FOXP1: variants seen among roughly 807,000 people sequenced by gnomAD.
FOXP1 encodes forkhead box P1.
In FOXP1, 15 loss-of-function variants were observed where a neutral mutation model predicts 98.2. The ratio of observed to expected loss-of-function variants is 0.15; its 90% CI spans 0.10 to 0.24. The LOEUF (loss-of-function observed/expected upper bound fraction) is 0.24. Among genes scored for constraint, FOXP1 ranks in the 10% least tolerant of loss-of-function variants. The probability of loss-of-function intolerance (pLI) is 1.00; values close to 1 mark genes in which losing one functional copy is unlikely to be tolerated. For synonymous variants in FOXP1, 371 were observed against 314.5 expected (o/e 1.18, Z -1.90); for missense variants, 633 against 848.5 (o/e 0.75, Z 3.15).
At chr3:71,143,396 G>A (rs2060162052) in intron 6 of FOXP1, among the ~76,000 whole-genome samples, 3 of 152,160 alleles carry the variant, frequency 2.0e-5, no homozygotes, top group African/African-American at 7.2e-5. Context: ...CCCTGGTGAG[G>A]AAAACCCTGT....
intron 5 of FOXP1, among the ~76,000 whole-genome samples, chr3:71,225,894 G>C (rs1003678851): frequency 1.3e-5 from 2 of 152,198 alleles, no homozygotes; most frequent in African/African-American, 4.8e-5. Context: ...CTGGGCACGG[G>C]GGCCCAAGAC....
chr3:71,571,130 G>A (rs1273000971), intron 2 of FOXP1: 1 of 152,194 alleles, frequency 6.6e-6, no homozygotes, highest in Non-Finnish European at 1.5e-5. Context: ...AGAAATGTCT[G>A]TTACAGAGAA....
chr3:71,342,109 T>G (rs941028407), intron 4 of FOXP1, among the ~76,000 whole-genome samples: 3 of 152,258 alleles, frequency 2.0e-5, no homozygotes, highest in African/African-American at 7.2e-5. Flanking sequence ...AGCTACTAAA[T>G]CTTTGGGTTA....
At chr3:71,474,752 C>T (rs1016305166) in intron 3 of FOXP1, among the ~76,000 whole-genome samples, 2 of 151,948 alleles carry the variant, frequency 1.3e-5, no homozygotes, top group African/African-American at 4.8e-5. Context: ...AAGCTCAGGG[C>T]TCCCACTGAT....
At chr3:71,216,838 C>T (rs2064973524) in intron 5 of FOXP1, among the ~76,000 whole-genome samples, 1 of 152,118 alleles carries the variant, frequency 6.6e-6, no homozygotes, top group Non-Finnish European at 1.5e-5. Context: ...TGTCCCTCCC[C>T]CACCAGGGGA....
chr3:71,033,172 G>A (rs1418091745), intron 11 of FOXP1, among the ~76,000 whole-genome samples: 1 of 152,112 alleles, frequency 6.6e-6, no homozygotes, highest in Non-Finnish European at 1.5e-5. Flanking sequence ...GCAAATACTT[G>A]CAAAATGCCT....
intron 3 of FOXP1, among the ~76,000 whole-genome samples, chr3:71,443,504 A>T (rs1024679937): frequency 3.3e-5 from 5 of 152,304 alleles, no homozygotes; most frequent in Admixed American, 3.3e-4. Flanking sequence ...GGTGACCCTG[A>T]TGCACACTCG....
chr3:71,583,785 C>T (rs1489031535), upstream of FOXP1: 133 of 986,858 alleles, frequency 1.3e-4, 1 homozygote, highest in Middle Eastern at 5.2e-4. Flanking sequence ...GGACTAGCTT[C>T]CCGGAGCCCA....
intron 6 of FOXP1, among the ~76,000 whole-genome samples, chr3:71,177,160 G>A (rs553069309): frequency 6.6e-6 from 1 of 152,256 alleles, no homozygotes; most frequent in South Asian, 2.1e-4. Context: ...TCGGTCTGAC[G>A]GTGCCAGGCT....
Position 70,988,054 on chromosome 3 carries a change from C to G in FOXP1, c.1086G>C (p.Leu362=). ...CATGCAGGTGGGTCATCATGGCTTG[C>G]AGGCGTTCTTTGTCTTTTGCAAGCT... The part of the protein sequence containing the change: ...ELQLAKDKER[L]QAMMTHLHVK... The change falls in exon 14 of 21, where the codon CTG becomes CTC. Residue 362 remains leucine, a synonymous_variant. Coordinates refer to ENST00000649528, the MANE Select transcript of FOXP1 (RefSeq NM_001349338.3). The G allele has an allele frequency of 6.2e-7, 1 of 1,614,124 alleles. No individual in the cohort carries two copies. The highest frequency in any genetic ancestry group is 8.5e-7 in the Non-Finnish European group (1 of 1,179,978).
chr3:71,381,244 G>A (rs191202019), intron 3 of FOXP1, among the ~76,000 whole-genome samples: 66 of 148,810 alleles, frequency 4.4e-4, no homozygotes, highest in Non-Finnish European at 7.7e-4. Flanking sequence ...TCCGCCTCCC[G>A]GGTTCACGCC....
intron 3 of FOXP1, among the ~76,000 whole-genome samples, chr3:71,415,502 A>G (rs2083144354): frequency 6.6e-6 from 1 of 152,222 alleles, no homozygotes; most frequent in Non-Finnish European, 1.5e-5. Context: ...TGAGCAAAAA[A>G]GGAATGTAGA....
chr3:71,398,324 T>C (rs892065376), intron 3 of FOXP1, among the ~76,000 whole-genome samples: 1 of 152,200 alleles, frequency 6.6e-6, no homozygotes, highest in Admixed American at 6.5e-5. Flanking sequence ...ACCACTCTCA[T>C]TTTTTTAAAA....
intron 3 of FOXP1, among the ~76,000 whole-genome samples, chr3:71,374,454 A>G (rs2079562816): frequency 1.3e-5 from 2 of 152,074 alleles, no homozygotes; most frequent in Admixed American, 1.3e-4. Flanking sequence ...TTAGCTGGGT[A>G]TGGTGGCACA....
chr3:71,498,758 A>AG (rs899396658), intron 2 of FOXP1, among the ~76,000 whole-genome samples: 1 of 152,124 alleles, frequency 6.6e-6, no homozygotes, highest in African/African-American at 2.4e-5. Context: ...CAGGATCTCC[A>AG]GGGGGGTTTG....
At chr3:71,202,831 G>A (rs1374940378) in intron 5 of FOXP1, among the ~76,000 whole-genome samples, 1 of 152,134 alleles carries the variant, frequency 6.6e-6, no homozygotes, top group Non-Finnish European at 1.5e-5. Context: ...GCAAACAACT[G>A]TCTTTTTCTT....
intron 2 of FOXP1, among the ~76,000 whole-genome samples, chr3:71,494,937 AAAAAAG>A (rs1301142202): frequency 6.6e-6 from 1 of 151,982 alleles, no homozygotes; most frequent in African/African-American, 2.4e-5. Context: ...AAAAGAAAAG[AAAAAAG>A]AAAAAGAAAA....
Position 71,250,610 on chromosome 3 carries a change from C to T in FOXP1, c.-12+49210G>A, listed in dbSNP as rs187871215. 4.1e-4 allele frequency among the ~76,000 whole-genome samples: 63 copies of T among 152,260 alleles called. 1 individual carries two copies. The highest frequency in any genetic ancestry group is 7.8e-4 in the Admixed American group (12 of 15,290). On this transcript the variant is annotated intron_variant, in intron 5 of 20. Transcript: ENST00000649528. ...ATTAAAAATTGTATTTTCTTCTCAA[C>T]GGAAATTAATAAACTCTAAAATTGA...
intron 7 of FOXP1, among the ~76,000 whole-genome samples, chr3:71,081,085 T>C (rs551104314): frequency 2.9e-4 from 44 of 152,340 alleles, no homozygotes; most frequent in African/African-American, 1.1e-3. Flanking sequence ...TTAAAGTATA[T>C]ACTGCTTAAC....
Sources: allele counts gnomAD v4.1 joint callset (sites outside exome capture counted in the v4.1 genomes callset), GRCh38; gene constraint gnomAD v4.1.1; transcripts MANE v1.5; gene names NCBI Gene and HGNC (gene_info 2026-07-23, HGNC 2026-07-21).